NOA1: variants seen among roughly 807,000 people sequenced by gnomAD.
NOA1 encodes the protein nitric oxide-associated protein 1.
NOA1 carries 35 observed loss-of-function variants against 58.4 expected under a neutral mutation model. That is an observed-to-expected ratio of 0.60 (90% CI 0.46 to 0.79). NOA1 has a LOEUF of 0.79. Ranked by LOEUF, NOA1 falls within the 30% of genes least tolerant of loss-of-function variation. The pLI is 0.00. For missense variants in NOA1, 895 were observed against 894.6 expected, an observed-to-expected ratio of 1.00 and a Z score of -0.01; for synonymous variants, 397 against 373.4, an observed-to-expected ratio of 1.06 and a Z score of -0.73.
chr4:56,977,147 C>G lies in NOA1; in HGVS notation c.439G>C (p.Glu147Gln), dbSNP rs867018515. Residue 147 changes from glutamate (E) to glutamine (Q), a missense_variant, in exon 1 of 7, where the codon GAG becomes CAG. Coordinates refer to ENST00000264230, the MANE Select transcript of NOA1 (RefSeq NM_032313.4). ...ACTCCGGCGTCCTGGCAGTGCAGCT[C>G]TGCCCCACAGCCCGAGCAGTTCACG... ...SGVNCSGCGA[E>Q]LHCQDAGVPG... is the part of the protein sequence containing the mutation. 6.4e-7 allele frequency: 1 copy of G among 1,557,016 alleles called. No homozygotes were observed.
At chr4:56,975,752 T>A (rs1721906675) in intron 1 of NOA1, among the ~76,000 whole-genome samples, 1 of 152,190 alleles carries the variant, frequency 6.6e-6, no homozygotes, top group Non-Finnish European at 1.5e-5. Flanking sequence ...GGCGTGCGCC[T>A]GTAATCCCAG....
intron 1 of NOA1, among the ~76,000 whole-genome samples, chr4:56,975,234 G>T (rs1232668585): frequency 2.8e-5 from 4 of 145,362 alleles, no homozygotes; most frequent in African/African-American, 1.0e-4. Context: ...TGTTGCCCAG[G>T]CTGGTCCTGA....
intron 6 of NOA1, among the ~76,000 whole-genome samples, chr4:56,964,049 T>C (rs1721654858): frequency 6.6e-6 from 1 of 152,046 alleles, no homozygotes; most frequent in African/African-American, 2.4e-5. Flanking sequence ...AAATTGTCGG[T>C]AAGGCTGCTT....
chr4:56,977,233 C>T lies in NOA1; in HGVS notation c.353G>A (p.Arg118Gln), dbSNP rs767849725. 1.3e-6 allele frequency: 2 copies of T among 1,591,770 alleles called. No individual in the cohort carries two copies. The highest frequency in any genetic ancestry group is 1.1e-5 in the South Asian group (1 of 89,204). ...GACCGGGTGCTCCCGGGACCTGGCC[C>T]GTAGGTTTTGCTGTCGCCGCTCCTC... Reference protein sequence around the residue: ...RREERRQQNLRARSREHPVVG... With the variant: ...RREERRQQNLQARSREHPVVG... Residue 118 changes from arginine to glutamine, a missense_variant, in exon 1 of 7, where the codon CGG becomes CAG. Transcript: ENST00000264230.
At chr4:56,968,292 C>G in intron 4 of NOA1, 92 bp downstream of exon 4, 1 of 1,292,960 alleles carries the variant, frequency 7.7e-7, no homozygotes, top group South Asian at 1.3e-5. Context: ...GCTTAGTTAT[C>G]AACATTTTGT....
intron 3 of NOA1, among the ~76,000 whole-genome samples, chr4:56,971,170 G>T (rs1158194409): frequency 6.6e-6 from 1 of 151,986 alleles, no homozygotes; most frequent in African/African-American, 2.4e-5. Context: ...AAAAGTAGCT[G>T]GGTGTGGTGG....
chr4:56,973,464 G>C (rs1370028963), intron 2 of NOA1, 111 bp from the exon 3 acceptor site: 1 of 909,676 alleles, frequency 1.1e-6, no homozygotes, highest in African/African-American at 1.7e-5. Flanking sequence ...GTAGGGAAGT[G>C]AGACCATAAT....
chr4:56,976,227 C>T (rs144908215), intron 1 of NOA1, among the ~76,000 whole-genome samples: 214 of 152,344 alleles, frequency 1.4e-3, no homozygotes, highest in African/African-American at 4.8e-3. Context: ...GCTCCATAAA[C>T]ACTTCCATTG....
chr4:56,977,373 A>G lies in NOA1; in HGVS notation c.213T>C (p.Arg71=). The G allele has an allele frequency of 6.2e-7, 1 of 1,614,024 alleles. No homozygotes were observed. The highest frequency in any genetic ancestry group is 8.5e-7 in the Non-Finnish European group (1 of 1,179,992). Residue 71 remains arginine, a synonymous_variant, in exon 1 of 7, where the codon CGT becomes CGC. Coordinates refer to ENST00000264230, the MANE Select transcript of NOA1 (RefSeq NM_032313.4). ...CCAGGATGTACTCCGGGAACAGAAA[A>G]CGCTCCTGCATGTCACCACCTTCTC... ...GFGEGGDMQE[R]FLFPEYILDP...
In NOA1 at chr4:56,976,835, C is replaced by G; in HGVS notation, c.751G>C (p.Asp251His). The change falls in exon 1 of 7, where the codon GAC becomes CAC. Residue 251 changes from aspartate (D) to histidine (H), a missense_variant. This residue lies in a region of NOA1 where 680 missense variants were observed against 656.5 expected (regional missense o/e 1.04). Transcript: ENST00000264230. ...KQLIVLGNKV[D>H]LLPQDAPGYR... The stretch of plus-strand genomic sequence containing the variant: ...CCAGGAGCATCCTGGGGCAGGAGGT[C>G]CACTTTGTTTCCCAGCACGATCAGC... 2 of 1,612,980 alleles carry G rather than the reference C, an allele frequency of 1.2e-6. No homozygotes were observed. The highest frequency in any genetic ancestry group is 1.7e-6 in the Non-Finnish European group (2 of 1,179,732).
At chr4:56,974,099 C>T in intron 1 of NOA1, 77 bp from the exon 2 acceptor site, 2 of 1,031,810 alleles carry the variant, frequency 1.9e-6, no homozygotes, top group South Asian at 2.9e-5. Flanking sequence ...AGGATCTACA[C>T]TGTGTTGGTT....
chr4:56,976,883 G>A lies in NOA1; in HGVS notation c.703C>T (p.Pro235Ser), dbSNP rs748484522. The change falls in exon 1 of 7, where the codon CCC becomes TCC. Residue 235 changes from proline (P) to serine (S), a missense_variant. Pro to Ser is a moderately conservative substitution (Grantham distance 74). Coordinates refer to ENST00000264230, the MANE Select transcript of NOA1 (RefSeq NM_032313.4). ...DLPDALLPDL[P>S]ALVGPKQLIV... Reference sequence around the variant, plus strand: ...AGCTGCTTGGGGCCCACCAGCGCGGGCAAGTCGGGCAGCAGGGCGTCGGGC... The same window carrying A: ...AGCTGCTTGGGGCCCACCAGCGCGGACAAGTCGGGCAGCAGGGCGTCGGGC... 9 of 1,613,042 alleles carry A rather than the reference G, an allele frequency of 5.6e-6. No homozygotes were observed. The South Asian group carries it at 9.9e-5, about 18-fold the overall frequency.
intron 1 of NOA1, among the ~76,000 whole-genome samples, chr4:56,974,252 A>C (rs1721858367): frequency 6.6e-6 from 1 of 152,214 alleles, no homozygotes. Context: ...ATTCAGTATA[A>C]AAGTAATTTT....
At position 56,976,471 on chromosome 4, in the gene NOA1, A is replaced by C. The variant is rs1721924261; in HGVS notation, c.1115T>G (p.Ile372Ser). ...DYCTAKGSEA[I>S]DRATISPWPG... ...CCAAGGGGAGATGGTGGCTCTGTCG[A>C]TGGCCTCGGAGCCCTTGGCAGTGCA... Residue 372 changes from isoleucine to serine, a missense_variant, in exon 1 of 7, where the codon ATC becomes AGC. Coordinates refer to ENST00000264230, the MANE Select transcript of NOA1 (RefSeq NM_032313.4). The C allele has an allele frequency of 6.2e-7, 1 of 1,613,708 alleles. No individual in the cohort carries two copies. Among genetic ancestry groups the C allele is most frequent in the African/African-American group, 1.3e-5 (1 of 74,928 alleles).
chr4:56,971,766 C>T (rs1721814793), intron 3 of NOA1, among the ~76,000 whole-genome samples: 1 of 151,986 alleles, frequency 6.6e-6, no homozygotes, highest in Non-Finnish European at 1.5e-5. Context: ...GAATATTTAA[C>T]AGAGTAAGAT....
chr4:56,977,000 C>T lies in NOA1; in HGVS notation c.586G>A (p.Val196Met), dbSNP rs1171611983. 6.3e-7 allele frequency: 1 copy of T among 1,594,360 alleles called. No individual in the cohort carries two copies. The highest frequency in any genetic ancestry group is 1.1e-5 in the South Asian group (1 of 90,762). ...SHHRRALRLQ[V>M]SREQYLELVS... ...AGCTCCAGGTACTGCTCGCGGCTCA[C>T]CTGCAGGCGTAGAGCGCGCCGGTGG... The change falls in exon 1 of 7, where the codon GTG becomes ATG. Residue 196 changes from valine (V) to methionine (M), a missense_variant. By Grantham distance (21) the Val-to-Met change is conservative. Around this residue, in one of 3 missense-constraint regions of NOA1, gnomAD observed 680 missense variants for 656.5 expected, o/e 1.04. Coordinates refer to ENST00000264230, the MANE Select transcript of NOA1 (RefSeq NM_032313.4).
At chr4:56,965,049 G>A (rs1036590815) in intron 5 of NOA1, among the ~76,000 whole-genome samples, 2 of 151,822 alleles carry the variant, frequency 1.3e-5, no homozygotes, top group African/African-American at 4.8e-5. Context: ...GCCCAAGCTG[G>A]AGTGTAATGG....
intron 4 of NOA1, among the ~76,000 whole-genome samples, chr4:56,967,960 C>G (rs1451157222): frequency 6.6e-6 from 1 of 151,208 alleles, no homozygotes; most frequent in Non-Finnish European, 1.5e-5. Flanking sequence ...CCCCATCACC[C>G]AGGCTGGAGT....
Position 56,976,810 on chromosome 4 carries a change from C to A in NOA1, c.776G>T (p.Gly259Val). The A allele has an allele frequency of 2.2e-5, 35 of 1,611,298 alleles. No individual in the cohort carries two copies. The highest frequency in any genetic ancestry group is 3.0e-5 in the Non-Finnish European group (35 of 1,178,512). The change falls in exon 1 of 7, where the codon GGC becomes GTC. Residue 259 changes from glycine to valine, a missense_variant. Physicochemically the swap from Gly to Val is moderately radical, Grantham distance 109. Coordinates refer to ENST00000264230, the MANE Select transcript of NOA1 (RefSeq NM_032313.4). The part of the protein sequence containing the change: ...KVDLLPQDAP[G>V]YRQRLRERLW... ...TCGCTCCCGCAGCCTCTGCCGGTAG[C>A]CAGGAGCATCCTGGGGCAGGAGGTC...
Sources: gnomAD v4.1 joint callset for allele counts (sites outside exome capture counted in the v4.1 genomes callset) on GRCh38, gnomAD v4.1.1 for gene constraint, gnomAD v4.1.1 regional missense constraint, MANE v1.5 for transcripts, NCBI Gene and HGNC (gene_info 2026-07-23, HGNC 2026-07-21) for gene names.